HRK: variants seen among roughly 807,000 people sequenced by gnomAD.
HRK encodes harakiri, BCL2 interacting protein.
A neutral mutation model predicts 5.9 loss-of-function variants in HRK; 6 were observed. That is an observed-to-expected ratio of 1.02 (90% CI 0.56 to 2.01). The LOEUF is 2.01. Ranked by LOEUF, HRK falls within the 30% of genes most tolerant of loss-of-function variation. HRK has a pLI of 0.00. For synonymous variants in HRK, 85 were observed against 65.1 expected, an observed-to-expected ratio of 1.31 and a Z score of -1.47; for missense variants, 133 against 128.3, an observed-to-expected ratio of 1.04 and a Z score of -0.18.
At chr12:116,876,490 T>C (rs1878933154) in intron 1 of HRK, among the ~76,000 whole-genome samples, 1 of 152,142 alleles carries the variant, frequency 6.6e-6, no homozygotes, top group Non-Finnish European at 1.5e-5. Context: ...CCCATTATCT[T>C]CCTTGCCACT....
In HRK at chr12:116,881,008, G is replaced by T; in HGVS notation, c.*24C>A. Reference sequence around the variant, plus strand: ...TCGCTCCGGCTGGGTCTCGGCTCCGGCCCCACCAAGAAGCCCCGCGTTCCT... The same window carrying T: ...TCGCTCCGGCTGGGTCTCGGCTCCGTCCCCACCAAGAAGCCCCGCGTTCCT... On this transcript the variant is annotated 3_prime_UTR_variant, in exon 1 of 2. Coordinates refer to ENST00000257572, the MANE Select transcript of HRK (RefSeq NM_003806.4). The T allele has an allele frequency of 1.5e-6, 2 of 1,314,748 alleles. No homozygotes were observed. The highest frequency in any genetic ancestry group is 2.1e-5 in the South Asian group (1 of 47,120). The allele number at this position is 1,314,748 out of a possible 1,614,324, so 81.4% of individuals were successfully genotyped here.
rs146646703 is a variant in HRK, at chr12:116,875,583, G to A, written c.*56+5393C>T. On this transcript the variant is annotated intron_variant, in intron 1 of 1. Transcript: ENST00000257572. ...GTAACAGAGTCTCACTCATTCTGTC[G>A]CCCAGGCTAGAGTACAGTGGCGCGA... Among the ~76,000 whole-genome samples the A allele has an allele frequency of 4.2e-3, 633 of 151,866 alleles. 4 individuals carry two copies. The highest frequency in any genetic ancestry group is 0.013 in the African/African-American group (557 of 41,396).
chr12:116,865,128 C>T (rs1878494555), intron 1 of HRK, among the ~76,000 whole-genome samples: 1 of 152,154 alleles, frequency 6.6e-6, no homozygotes, highest in Non-Finnish European at 1.5e-5. Flanking sequence ...AAGGTGAAAG[C>T]TGAAAACCGT....
At chr12:116,866,427 C>T (rs1189470371) in intron 1 of HRK, among the ~76,000 whole-genome samples, 2 of 151,200 alleles carry the variant, frequency 1.3e-5, no homozygotes, top group East Asian at 1.9e-4. Context: ...AGGAGAAGCT[C>T]TCCATGCAGA....
chr12:116,863,026 C>T (rs1878418763), intron 1 of HRK, among the ~76,000 whole-genome samples: 1 of 152,198 alleles, frequency 6.6e-6, no homozygotes, highest in Non-Finnish European at 1.5e-5. Context: ...GCATGAGCCA[C>T]CGTGCCCAGA....
intron 1 of HRK, chr12:116,869,659 C>T (rs1878675371): frequency 6.6e-6 from 1 of 152,206 alleles, no homozygotes; most frequent in Admixed American, 6.5e-5. Flanking sequence ...AGCTTCCCTG[C>T]CTCAGCATAA....
intron 1 of HRK, among the ~76,000 whole-genome samples, chr12:116,873,109 ATTTTCT>A (rs1335853045): frequency 1.3e-5 from 2 of 151,764 alleles, no homozygotes; most frequent in South Asian, 4.2e-4. Flanking sequence ...CAAGACTACA[ATTTTCT>A]TTTTCATTTT....
chr12:116,864,631 G>T (rs1878473921), intron 1 of HRK, among the ~76,000 whole-genome samples: 1 of 152,126 alleles, frequency 6.6e-6, no homozygotes, highest in African/African-American at 2.4e-5. Flanking sequence ...GCACAAACAG[G>T]GAAGCGTGAT....
intron 1 of HRK, among the ~76,000 whole-genome samples, chr12:116,869,862 T>C (rs1878682323): frequency 1.3e-5 from 2 of 152,132 alleles, no homozygotes; most frequent in African/African-American, 4.8e-5. Context: ...TCTGGATCAC[T>C]TGAGGTCAGG....
rs1248706873 is a variant in HRK at position 116,878,204 on chromosome 12, AC to A, written c.*56+2771del. Among the ~76,000 whole-genome samples the A allele has an allele frequency of 6.6e-6, 1 of 152,162 alleles. No individual in the cohort carries two copies. The highest frequency in any genetic ancestry group is 1.5e-5 in the Non-Finnish European group (1 of 68,038). ...GTGCTGGAATTACAGGCGTGAGCCA[AC>A]CTGCCTGGCCTGTATGTTGAAAATA... On this transcript the variant is annotated intron_variant, in intron 1 of 1. Transcript: ENST00000257572. This position sits in a 1 kb window ranked among gnomAD's most constrained non-coding sequence, Gnocchi z 4.4.
intron 1 of HRK, chr12:116,869,401 C>T (rs1238991307): frequency 6.6e-6 from 1 of 152,202 alleles, no homozygotes; most frequent in Non-Finnish European, 1.5e-5. Context: ...GCTAGGAGCT[C>T]ACTACAGAGA....
intron 1 of HRK, among the ~76,000 whole-genome samples, chr12:116,880,667 T>C (rs1027674507): frequency 2.0e-5 from 3 of 152,128 alleles, no homozygotes; most frequent in African/African-American, 4.8e-5. Flanking sequence ...ATTGTGTGTT[T>C]ATTTGTGGGG....
In HRK at chr12:116,881,131, C is replaced by G; in HGVS notation, c.177G>C (p.Ala59=). ...AGGTGGGGAGCGCGCCGGGCGCCGG[C>G]GCCCTCCGGCTCCGCGCGCGGCGCC... ...MWRRRARSRR[A]PAPGALPTYW... The change falls in exon 1 of 2, where the codon GCG becomes GCC. Residue 59 remains alanine (A), a synonymous_variant. Coordinates refer to ENST00000257572, the MANE Select transcript of HRK (RefSeq NM_003806.4). 1 of 1,209,978 alleles carries G rather than the reference C, an allele frequency of 8.3e-7. No individual in the cohort carries two copies. The highest frequency in any genetic ancestry group is 1.0e-6 in the Non-Finnish European group (1 of 974,940). The allele number at this position is 1,209,978 out of a possible 1,614,324, so 75.0% of individuals were successfully genotyped here.
At chr12:116,870,313 T>A (rs915417148) in intron 1 of HRK, among the ~76,000 whole-genome samples, 4 of 152,134 alleles carry the variant, frequency 2.6e-5, no homozygotes, top group African/African-American at 9.7e-5. Flanking sequence ...ATAGGTACAG[T>A]CAGGCAGAGA....
intron 1 of HRK, among the ~76,000 whole-genome samples, chr12:116,866,697 G>C (rs1878558854): frequency 6.6e-6 from 1 of 152,158 alleles, no homozygotes; most frequent in Non-Finnish European, 1.5e-5. Context: ...ATTACTTAAA[G>C]TCTATGGAGA....
intron 1 of HRK, chr12:116,869,345 T>G (rs1307209262): frequency 1.3e-5 from 2 of 152,174 alleles, no homozygotes; most frequent in Non-Finnish European, 2.9e-5. Flanking sequence ...CACCATGTTC[T>G]GAACACCAGT....
chr12:116,880,827 G>C, intron 1 of HRK, 149 bp downstream of exon 1: 1 of 330,794 alleles, frequency 3.0e-6, no homozygotes, highest in African/African-American at 2.2e-5. Context: ...GAAGAGGAGA[G>C]GTGGAGATGC....
chr12:116,880,776 G>T (rs994692082), intron 1 of HRK, among the ~76,000 whole-genome samples, 200 bp downstream of exon 1: 1 of 152,116 alleles, frequency 6.6e-6, no homozygotes, highest in Admixed American at 6.5e-5. Context: ...GGGCAGAAAC[G>T]GTGGACCTTA....
In HRK at chr12:116,859,740, A is replaced by T. The variant is rs1309167042; in HGVS notation, c.*1783T>A. 1 of 150,840 alleles carries T rather than the reference A, an allele frequency of 6.6e-6. No individual in the cohort carries two copies. The highest frequency in any genetic ancestry group is 1.5e-5 in the Non-Finnish European group (1 of 67,860). The allele number at this position is 150,840 out of a possible 1,614,324, so 9.3% of individuals were successfully genotyped here. Reference sequence around the variant, plus strand: ...TGCATTTCTCTTTAAAGGGCTATTTAGGAAAACACAAGGAACGGATTTTAA... The same window carrying T: ...TGCATTTCTCTTTAAAGGGCTATTTTGGAAAACACAAGGAACGGATTTTAA... On this transcript the variant is annotated 3_prime_UTR_variant, in exon 2 of 2. Transcript: ENST00000257572.
Sources: gnomAD v4.1 joint callset for allele counts (sites outside exome capture counted in the v4.1 genomes callset) on GRCh38, gnomAD v4.1.1 for gene constraint, Gnocchi (gnomAD v3.1) non-coding constraint, MANE v1.5 for transcripts, NCBI Gene and HGNC (gene_info 2026-07-23, HGNC 2026-07-21) for gene names.